LCORL: variants seen among roughly 807,000 people sequenced by gnomAD.
LCORL encodes ligand-dependent nuclear receptor corepressor-like protein.
LCORL carries 41 observed loss-of-function variants against 141.8 expected under a neutral mutation model. That is an observed-to-expected ratio of 0.29 (90% CI 0.23 to 0.38). The LOEUF (loss-of-function observed/expected upper bound fraction) is 0.38, where lower values mean the gene tolerates loss of function less well. Ranked by LOEUF, LCORL falls within the 10% of genes least tolerant of loss-of-function variation. LCORL has a pLI of 1.00. For missense variants in LCORL, 1,759 were observed against 2,035.0 expected (o/e 0.86, Z 2.61); for synonymous variants, 618 against 694.1 (o/e 0.89, Z 1.72).
rs751821670 is a variant in LCORL at position 18,021,686 on chromosome 4, A to AGCGGCGGCGGCGGCGGCGGCGGCG, written c.65_66insCGCCGCCGCCGCCGCCGCCGCCGC (p.Ala15_Ala22dup). The AGCGGCGGCGGCGGCGGCGGCGGCG allele has an allele frequency of 1.8e-5, 28 of 1,533,424 alleles. 1 individual carries two copies. The Admixed American group carries it at 2.9e-4, about 16-fold the overall frequency. 95.0% of individuals were successfully genotyped at this position (1,533,424 alleles called of 1,614,324 possible). On this transcript the variant is annotated inframe_insertion, in exon 1 of 8. Coordinates refer to ENST00000635767, the Ensembl canonical transcript of LCORL. The surrounding 1 kb of genome is among the most constrained non-coding windows in gnomAD (Gnocchi z 5.5). ...CCGCGCACCGAGGGCTCCGGCACTGAGCGGCGGCGGCGGCGGCGGCAGCAG... is the reference window on the plus strand; with the variant it reads ...CCGCGCACCGAGGGCTCCGGCACTGAGCGGCGGCGGCGGCGGCGGCGGCGGCGGCGGCGGCGGCGGCGGCAGCAG...
chr4:17,971,096 T>C (rs1358167860), intron 2 of LCORL, among the ~76,000 whole-genome samples: 1 of 152,064 alleles, frequency 6.6e-6, no homozygotes, highest in Non-Finnish European at 1.5e-5. Flanking sequence ...AAGTGTGCTA[T>C]TTAAAAGTTT....
chr4:17,895,349 CTCTACT>C (rs372781383), intron 5 of LCORL, among the ~76,000 whole-genome samples: 5 of 152,110 alleles, frequency 3.3e-5, no homozygotes, highest in African/African-American at 1.2e-4. Flanking sequence ...CTATTCTACT[CTCTACT>C]TCTATGAGAT....
At chr4:17,879,088 TTTG>T (rs1274939017) in intron 6 of LCORL, among the ~76,000 whole-genome samples, 1 of 151,202 alleles carries the variant, frequency 6.6e-6, no homozygotes, top group Non-Finnish European at 1.5e-5. Flanking sequence ...GTTTATTACA[TTTG>T]TTGTTTTTAA....
At chr4:17,945,295 T>C (rs1738681431) in intron 4 of LCORL, among the ~76,000 whole-genome samples, 1 of 152,162 alleles carries the variant, frequency 6.6e-6, no homozygotes, top group East Asian at 1.9e-4. Context: ...TTTTAAATTA[T>C]GTGAGAATAC....
At position 17,874,578 on chromosome 4, in the gene LCORL, T is replaced by C; in HGVS notation, c.4412A>G (p.Asn1471Ser). The C allele has an allele frequency of 2.4e-6, 3 of 1,233,644 alleles. No homozygotes were observed. In the South Asian group the frequency reaches 1.2e-4, roughly 51 times the overall value. 76.4% of individuals were successfully genotyped at this position (1,233,644 alleles called of 1,614,324 possible). ...AGGGCTTGCTACTTTGAAATGATCA[T>C]TTTCAATGTGTTCTCTTTTTTTATG... The change falls in exon 7 of 8, where the codon AAT becomes AGT. Residue 1471 changes from asparagine (N) to serine (S), a missense_variant. Transcript: ENST00000635767.
At chr4:17,842,261 A>G in exon 8 of LCORL, 7 of 1,549,932 alleles carry the variant, frequency 4.5e-6, no homozygotes, top group African/African-American at 1.4e-5. Flanking sequence ...GATTAAAAAC[A>G]AAAAGCAACT....
chr4:17,940,495 A>G (rs1053568087), intron 4 of LCORL, among the ~76,000 whole-genome samples: 1 of 148,458 alleles, frequency 6.7e-6, no homozygotes, highest in African/African-American at 2.5e-5. Context: ...TGTATTATGT[A>G]ATATATGTAA....
At chr4:17,899,206 T>G (rs574096072) in intron 5 of LCORL, among the ~76,000 whole-genome samples, 1 of 152,304 alleles carries the variant, frequency 6.6e-6, no homozygotes, top group African/African-American at 2.4e-5. Context: ...CAAACATTTT[T>G]TCACAGACTG....
intron 6 of LCORL, chr4:17,882,952 TTTAAA>T: frequency 1.1e-6 from 1 of 912,850 alleles, no homozygotes; most frequent in Non-Finnish European, 1.3e-6. Flanking sequence ...AATAATTAAA[TTTAAA>T]TTATTTTTTG....
At chr4:18,014,692 TCAAAA>T (rs1280439194) in intron 1 of LCORL, among the ~76,000 whole-genome samples, 1 of 152,336 alleles carries the variant, frequency 6.6e-6, no homozygotes, top group African/African-American at 2.4e-5. Flanking sequence ...ACAAAAATTC[TCAAAA>T]CAAAATTTTT....
intron 1 of LCORL, among the ~76,000 whole-genome samples, chr4:17,997,914 T>C (rs1043719496): frequency 6.6e-6 from 1 of 152,162 alleles, no homozygotes. Flanking sequence ...TATTCAAGTA[T>C]AAATTAAGGG....
At chr4:18,007,226 T>A (rs776371599) in intron 1 of LCORL, among the ~76,000 whole-genome samples, 8 of 152,210 alleles carry the variant, frequency 5.3e-5, no homozygotes, top group Non-Finnish European at 1.2e-4. Context: ...AATTGCCTTA[T>A]CTATAAAGTA....
intron 7 of LCORL, among the ~76,000 whole-genome samples, chr4:17,865,697 T>G (rs1270583079): frequency 6.6e-6 from 1 of 152,232 alleles, no homozygotes; most frequent in Non-Finnish European, 1.5e-5. Context: ...CTATTACCAG[T>G]GGTTCTCAAA....
At chr4:17,981,671 G>A (rs1718013316) in intron 1 of LCORL, among the ~76,000 whole-genome samples, 1 of 152,086 alleles carries the variant, frequency 6.6e-6, no homozygotes, top group Non-Finnish European at 1.5e-5. Context: ...CCAGAAGGTT[G>A]AGGCTGCAGT....
intron 5 of LCORL, among the ~76,000 whole-genome samples, chr4:17,903,758 TAG>T (rs1295525911): frequency 6.6e-6 from 1 of 151,946 alleles, no homozygotes; most frequent in African/African-American, 2.4e-5. Context: ...TAAGTGAGTG[TAG>T]AGTTTGTGAA....
At position 17,932,657 on chromosome 4, in the gene LCORL, G is replaced by A. The variant is rs376041170; in HGVS notation, c.431-23312C>T. ...AGAGTACGAGGCTGAGCAAGCAGGG[G>A]GACATACGTGGCCCATCATCACTTT... is the stretch of plus-strand genomic sequence containing the variant. On this transcript the variant is annotated intron_variant, in intron 4 of 7. Coordinates refer to ENST00000635767, the Ensembl canonical transcript of LCORL. Among the ~76,000 whole-genome samples, 30 of 152,164 alleles carry A rather than the reference G, an allele frequency of 2.0e-4. 1 individual carries two copies. In the East Asian group the frequency reaches 4.4e-3, roughly 23 times the overall value.
intron 7 of LCORL, among the ~76,000 whole-genome samples, chr4:17,856,087 A>T (rs964689985): frequency 6.6e-6 from 1 of 152,212 alleles, no homozygotes; most frequent in African/African-American, 2.4e-5. Context: ...CTCATTCCTT[A>T]AACGATTCCA....
chr4:17,887,334 T>G (rs1728411934), intron 5 of LCORL, among the ~76,000 whole-genome samples: 1 of 152,024 alleles, frequency 6.6e-6, no homozygotes, highest in African/African-American at 2.4e-5. Context: ...CCAGCAATTA[T>G]GATAGTGCCA....
intron 1 of LCORL, among the ~76,000 whole-genome samples, chr4:18,000,807 G>A (rs1213662848): frequency 6.6e-6 from 1 of 152,110 alleles, no homozygotes; most frequent in Non-Finnish European, 1.5e-5. Context: ...GAGACTTCTG[G>A]GGGTTCCATT....
Sources: gnomAD v4.1 joint callset for allele counts (sites outside exome capture counted in the v4.1 genomes callset) on GRCh38, gnomAD v4.1.1 for gene constraint, Gnocchi (gnomAD v3.1) non-coding constraint, MANE v1.5 for transcripts, NCBI Gene and HGNC (gene_info 2026-07-23, HGNC 2026-07-21) for gene names.